L3MBTL3: variants seen among roughly 807,000 people sequenced by gnomAD.
L3MBTL3 encodes lethal(3)malignant brain tumor-like protein 3.
A neutral mutation model predicts 102.3 loss-of-function variants in L3MBTL3; 27 were observed. The ratio of observed to expected loss-of-function variants is 0.26; its 90% CI spans 0.19 to 0.36. L3MBTL3 has a LOEUF of 0.36. Ranked by LOEUF, L3MBTL3 falls within the 10% of genes least tolerant of loss-of-function variation. The pLI is 1.00. For synonymous variants in L3MBTL3, 340 were observed against 320.9 expected (o/e 1.06, Z -0.64); for missense variants, 798 against 955.3 (o/e 0.84, Z 2.17).
chr6:130,094,372 G>A lies in L3MBTL3; in HGVS notation c.1736+5G>A, dbSNP rs1324398746. The A allele has an allele frequency of 6.2e-7, 1 of 1,604,742 alleles. No homozygotes were observed. Among genetic ancestry groups the A allele is most frequent in the African/African-American group, 1.3e-5 (1 of 74,720 alleles). ...GAGACATCTGGGCCCTCACAGGTAT[G>A]TGGTAGCTGTCACTCACTTGGTCAG... On this transcript the variant is annotated splice_donor_5th_base_variant and intron_variant, in intron 18 of 22. Coordinates refer to ENST00000361794, the MANE Select transcript of L3MBTL3 (RefSeq NM_032438.4).
chr6:130,123,016 C>A (rs1452057622), intron 20 of L3MBTL3, among the ~76,000 whole-genome samples: 1 of 152,138 alleles, frequency 6.6e-6, no homozygotes, highest in African/African-American at 2.4e-5. Flanking sequence ...ATAATAAAAT[C>A]TTCTAGGCTT....
chr6:130,053,089 G>T lies in L3MBTL3; in HGVS notation c.582+98G>T, dbSNP rs1194343216. On this transcript the variant is annotated intron_variant, in intron 7 of 22. Transcript: ENST00000361794. ...GCTCTGGAGCCCACTGAGTTCAAATGTGGGTTCCAGGACTATCTGTGTTAG... is the reference window on the plus strand; with the variant it reads ...GCTCTGGAGCCCACTGAGTTCAAATTTGGGTTCCAGGACTATCTGTGTTAG... 2.0e-5 allele frequency: 18 copies of T among 909,758 alleles called. No homozygotes were observed. The Admixed American group carries it at 2.5e-4, about 12-fold the overall frequency. The allele number at this position is 909,758 out of a possible 1,614,324, so 56.4% of individuals were successfully genotyped here.
At chr6:130,069,222 C>G (rs574528416) in intron 12 of L3MBTL3, among the ~76,000 whole-genome samples, 1 of 152,316 alleles carries the variant, frequency 6.6e-6, no homozygotes, top group South Asian at 2.1e-4. Flanking sequence ...CTAGTATGAT[C>G]AGTTCCTCCT....
chr6:130,041,676 A>G (rs1780429161), intron 2 of L3MBTL3, among the ~76,000 whole-genome samples: 1 of 152,224 alleles, frequency 6.6e-6, no homozygotes, highest in Non-Finnish European at 1.5e-5. Context: ...TTCTTTGGCC[A>G]GAAGAAAGGG....
intron 7 of L3MBTL3, among the ~76,000 whole-genome samples, chr6:130,053,625 A>G (rs1392287457): frequency 6.7e-6 from 1 of 149,128 alleles, no homozygotes; most frequent in Admixed American, 6.8e-5. Context: ...ACAGAGCGAG[A>G]CTGTGTCTCA....
At chr6:130,137,061 T>C (rs1237565369) in intron 22 of L3MBTL3, among the ~76,000 whole-genome samples, 5 of 152,238 alleles carry the variant, frequency 3.3e-5, no homozygotes, top group African/African-American at 1.2e-4. Flanking sequence ...CCCTGCTATA[T>C]GTCTAAGCCC....
intron 2 of L3MBTL3, among the ~76,000 whole-genome samples, chr6:130,039,086 A>G (rs1251131668): frequency 6.6e-6 from 1 of 152,082 alleles, no homozygotes; most frequent in Non-Finnish European, 1.5e-5. Context: ...TGAATTTTTG[A>G]ACAAAATTTT....
At chr6:130,097,655 C>G (rs1316740398) in intron 18 of L3MBTL3, among the ~76,000 whole-genome samples, 1 of 152,128 alleles carries the variant, frequency 6.6e-6, no homozygotes, top group Non-Finnish European at 1.5e-5. Context: ...TTCCAACTCT[C>G]TAGCAAGGGA....
intron 20 of L3MBTL3, among the ~76,000 whole-genome samples, chr6:130,132,139 A>T (rs981349740): frequency 1.3e-5 from 2 of 152,234 alleles, no homozygotes; most frequent in Non-Finnish European, 2.9e-5. Context: ...ATGATCTCCA[A>T]ATAAATTATA....
chr6:130,130,634 G>C (rs1192330251), intron 20 of L3MBTL3, among the ~76,000 whole-genome samples: 1 of 152,170 alleles, frequency 6.6e-6, no homozygotes, highest in East Asian at 1.9e-4. Context: ...CAAACTTTCT[G>C]CTTTATGTAT....
chr6:130,022,848 G>C (rs574875616), intron 2 of L3MBTL3, among the ~76,000 whole-genome samples: 2 of 152,280 alleles, frequency 1.3e-5, no homozygotes, highest in South Asian at 4.2e-4. Context: ...TGTTAGCTTA[G>C]ACTTGTCAAC....
At chr6:130,027,288 T>A (rs1779415008) in intron 2 of L3MBTL3, among the ~76,000 whole-genome samples, 1 of 152,212 alleles carries the variant, frequency 6.6e-6, no homozygotes, top group Non-Finnish European at 1.5e-5. Flanking sequence ...GTATACTATG[T>A]ACCAGACCTT....
chr6:130,031,159 A>G (rs1179753646), intron 2 of L3MBTL3, among the ~76,000 whole-genome samples: 1 of 152,098 alleles, frequency 6.6e-6, no homozygotes, highest in African/African-American at 2.4e-5. Flanking sequence ...TCTCAGAATC[A>G]CTTTCTCAAG....
At chr6:130,021,530 G>T (rs947672862) in intron 1 of L3MBTL3, among the ~76,000 whole-genome samples, 2 of 152,218 alleles carry the variant, frequency 1.3e-5, no homozygotes, top group African/African-American at 4.8e-5. Flanking sequence ...ATTTATCGGT[G>T]TCTGTACCTC....
At chr6:130,125,224 T>C (rs1582629625) in intron 20 of L3MBTL3, among the ~76,000 whole-genome samples, 1 of 152,210 alleles carries the variant, frequency 6.6e-6, no homozygotes, top group South Asian at 2.1e-4. Context: ...GTTGTCAACA[T>C]GTTTTTCAAG....
chr6:130,087,768 A>G (rs1327945666), intron 16 of L3MBTL3, among the ~76,000 whole-genome samples: 1 of 152,172 alleles, frequency 6.6e-6, no homozygotes, highest in Non-Finnish European at 1.5e-5. Flanking sequence ...TGTTAAAATT[A>G]AATATTTTAG....
chr6:130,098,665 G>C (rs1171983381), intron 18 of L3MBTL3, among the ~76,000 whole-genome samples: 2 of 152,148 alleles, frequency 1.3e-5, no homozygotes, highest in African/African-American at 4.8e-5. Flanking sequence ...GGAGCTCTGT[G>C]AATGTTAGGC....
At position 130,097,256 on chromosome 6, in the gene L3MBTL3, T is replaced by C. The variant is rs1267949153; in HGVS notation, c.1736+2889T>C. On this transcript the variant is annotated intron_variant, in intron 18 of 22. Transcript: ENST00000361794. ...ATATTCTTTGAAAGGTTTATTTCAC[T>C]GGCTCTTACTTTTGTTCTTACTAAG... Among the ~76,000 whole-genome samples, 3 of 152,246 alleles carry C rather than the reference T, an allele frequency of 2.0e-5. No individual in the cohort carries two copies. The East Asian group carries it at 5.8e-4, about 29-fold the overall frequency.
intron 18 of L3MBTL3, among the ~76,000 whole-genome samples, chr6:130,095,804 C>A (rs9483083): frequency 0.17 from 26,251 of 152,018 alleles, 2,805 homozygotes; most frequent in Non-Finnish European, 0.24. Flanking sequence ...GAGGGCCAAA[C>A]CTGCTTTTAT....
Sources: allele counts gnomAD v4.1 joint callset (sites outside exome capture counted in the v4.1 genomes callset), GRCh38; gene constraint gnomAD v4.1.1; transcripts MANE v1.5; gene names NCBI Gene and HGNC (gene_info 2026-07-23, HGNC 2026-07-21).